Variants in OXR1 observed in about 807,000 individuals in gnomAD.
OXR1 encodes the protein oxidation resistance protein 1.
Under a neutral mutation model 104.6 loss-of-function variants are expected in OXR1, and 41 were observed. That is an observed-to-expected ratio of 0.39 (90% CI 0.31 to 0.51). The LOEUF (loss-of-function observed/expected upper bound fraction) is 0.51, where lower values mean the gene tolerates loss of function less well. Ranked by LOEUF, OXR1 falls within the 20% of genes least tolerant of loss-of-function variation. OXR1 has a pLI of 0.77. For missense variants in OXR1, 955 were observed against 1,031.9 expected (o/e 0.93, Z 1.02); for synonymous variants, 348 against 348.4 (o/e 1.00, Z 0.01).
At chr8:106,573,328 A>G (rs962120473) in intron 3 of OXR1, among the ~76,000 whole-genome samples, 73 of 137,928 alleles carry the variant, frequency 5.3e-4, no homozygotes, top group Non-Finnish European at 7.8e-4. Context: ...GTTGACACCT[A>G]CAATTAACCA....
chr8:106,684,282 G>T lies in OXR1; in HGVS notation c.448G>T (p.Val150Phe). 1 of 1,608,052 alleles carries T rather than the reference G, an allele frequency of 6.2e-7. No individual in the cohort carries two copies. Among genetic ancestry groups the T allele is most frequent in the Non-Finnish European group, 8.5e-7 (1 of 1,174,640 alleles). The change falls in exon 6 of 17, where the codon GTT (valine) becomes TTT (phenylalanine). Residue 150 changes from valine to phenylalanine, a missense_variant. Transcript: ENST00000517566. Reference protein sequence around the residue: ...YVPDPEYVSSVESSPSLSPVS... With the variant: ...YVPDPEYVSSFESSPSLSPVS... The stretch of plus-strand genomic sequence containing the variant: ...TCCTGATCCTGAATATGTCTCCAGT[G>T]TTGAGAGCTCTCCATCTCTAAGCCC...
intron 3 of OXR1, among the ~76,000 whole-genome samples, chr8:106,587,143 GTC>G (rs1001551848): frequency 5.9e-5 from 9 of 152,138 alleles, no homozygotes; most frequent in African/African-American, 1.9e-4. Context: ...TTTCAAGATT[GTC>G]TCTGAATAGG....
At chr8:106,309,826 T>C (rs1044844633) in intron 1 of OXR1, among the ~76,000 whole-genome samples, 1 of 151,166 alleles carries the variant, frequency 6.6e-6, no homozygotes, top group African/African-American at 2.4e-5. Flanking sequence ...TATATATATT[T>C]GTCCACATAT....
intron 2 of OXR1, among the ~76,000 whole-genome samples, chr8:106,482,881 A>G (rs891375184): frequency 2.6e-5 from 4 of 152,052 alleles, no homozygotes; most frequent in African/African-American, 9.7e-5. Context: ...TAATGAGTAC[A>G]GAGTGTCTTA....
intron 3 of OXR1, among the ~76,000 whole-genome samples, chr8:106,548,108 G>A (rs375883961): frequency 4.9e-4 from 74 of 152,130 alleles, no homozygotes; most frequent in African/African-American, 1.6e-3. Context: ...CCAATTTTTC[G>A]TATCTTTGCC....
At chr8:106,321,494 TGGA>T (rs1814215558) in intron 1 of OXR1, among the ~76,000 whole-genome samples, 1 of 151,994 alleles carries the variant, frequency 6.6e-6, no homozygotes, top group Non-Finnish European at 1.5e-5. Context: ...GTGGTAGTGG[TGGA>T]GGAGGACACA....
intron 2 of OXR1, among the ~76,000 whole-genome samples, chr8:106,502,581 A>G (rs1300990848): frequency 6.6e-6 from 1 of 152,176 alleles, no homozygotes; most frequent in African/African-American, 2.4e-5. Flanking sequence ...TTCAACTCAA[A>G]TGTCTGCTCT....
At chr8:106,357,958 G>A (rs1316025503) in intron 1 of OXR1, among the ~76,000 whole-genome samples, 2 of 152,064 alleles carry the variant, frequency 1.3e-5, no homozygotes, top group Non-Finnish European at 2.9e-5. Flanking sequence ...AGGCACTTTG[G>A]TTTACGGTTA....
Position 106,270,313 on chromosome 8 carries a change from T to TCGCCGCCGCGGGGCC in OXR1, c.-183_-169dup, listed in dbSNP as rs1333117313. The TCGCCGCCGCGGGGCC allele has an allele frequency of 3.3e-5, 5 of 152,388 alleles. No individual in the cohort carries two copies. The highest frequency in any genetic ancestry group is 1.9e-4 in the East Asian group (1 of 5,164). The allele number at this position is 152,388 out of a possible 1,614,324, so 9.4% of individuals were successfully genotyped here. Reference sequence around the variant, plus strand: ...CCCAGCCCCGCCGAGAGGGGCGCACTCGCCGCCGCGGGGCCCGCCGCCGCT... The same window carrying TCGCCGCCGCGGGGCC: ...CCCAGCCCCGCCGAGAGGGGCGCACTCGCCGCCGCGGGGCCCGCCGCCGCGGGGCCCGCCGCCGCT... On this transcript the variant is annotated 5_prime_UTR_variant, in exon 1 of 17. Transcript: ENST00000517566.
intron 2 of OXR1, among the ~76,000 whole-genome samples, chr8:106,482,302 G>A (rs2129755918): frequency 6.6e-6 from 1 of 151,766 alleles, no homozygotes; most frequent in East Asian, 2.0e-4. Context: ...AGAACGAAGA[G>A]CAAGAATTAA....
At chr8:106,648,155 G>T (rs547391597) in intron 3 of OXR1, among the ~76,000 whole-genome samples, 1 of 152,178 alleles carries the variant, frequency 6.6e-6, no homozygotes, top group East Asian at 1.9e-4. Context: ...GGGGATGGTT[G>T]TTAGTAGAAA....
At chr8:106,685,834 A>G (rs558502152) in intron 6 of OXR1, among the ~76,000 whole-genome samples, 2 of 152,336 alleles carry the variant, frequency 1.3e-5, no homozygotes, top group Admixed American at 6.5e-5. Context: ...ACATGCGTAT[A>G]TAGCAGCATA....
intron 1 of OXR1, among the ~76,000 whole-genome samples, chr8:106,293,177 T>C (rs1289842793): frequency 6.6e-6 from 1 of 152,132 alleles, no homozygotes; most frequent in Non-Finnish European, 1.5e-5. Flanking sequence ...CAGAAAATAT[T>C]CATCTGAAAT....
At chr8:106,534,393 A>G (rs951084573) in intron 3 of OXR1, among the ~76,000 whole-genome samples, 1 of 152,228 alleles carries the variant, frequency 6.6e-6, no homozygotes, top group Non-Finnish European at 1.5e-5. Context: ...AACACCTGTA[A>G]GAAACCTTTA....
intron 1 of OXR1, among the ~76,000 whole-genome samples, chr8:106,320,682 G>T (rs999083789): frequency 3.3e-5 from 5 of 150,812 alleles, no homozygotes; most frequent in Non-Finnish European, 3.0e-5. Context: ...CTTTTTTTGG[G>T]GGGGGCGGGG....
chr8:106,358,564 A>G (rs1816086656), intron 1 of OXR1, among the ~76,000 whole-genome samples: 1 of 152,218 alleles, frequency 6.6e-6, no homozygotes, highest in Non-Finnish European at 1.5e-5. Flanking sequence ...TAAAGCTAGG[A>G]TAGTGTACGT....
intron 3 of OXR1, among the ~76,000 whole-genome samples, chr8:106,640,957 G>C (rs1364205292): frequency 6.6e-6 from 1 of 152,188 alleles, no homozygotes; most frequent in African/African-American, 2.4e-5. Context: ...TTATATGCAT[G>C]TTGCAGAAAT....
intron 2 of OXR1, among the ~76,000 whole-genome samples, chr8:106,496,351 C>T (rs1236315435): frequency 3.3e-5 from 5 of 152,064 alleles, no homozygotes; most frequent in Non-Finnish European, 4.4e-5. Flanking sequence ...GTTTTAGAAG[C>T]ACTAAGCTAA....
chr8:106,642,601 T>C (rs1205265395), intron 3 of OXR1, among the ~76,000 whole-genome samples: 1 of 152,168 alleles, frequency 6.6e-6, no homozygotes, highest in African/African-American at 2.4e-5. Context: ...AGTCCTTCCA[T>C]TGGCTAAAAA....
Sources: allele counts gnomAD v4.1 joint callset (sites outside exome capture counted in the v4.1 genomes callset), GRCh38; gene constraint gnomAD v4.1.1; transcripts MANE v1.5; gene names NCBI Gene and HGNC (gene_info 2026-07-23, HGNC 2026-07-21).